The following ITPRID1 variants were observed in gnomAD, a reference collection of about 807,000 sequenced individuals.
The protein encoded by ITPRID1 is protein ITPRID1.
In ITPRID1, 96 loss-of-function variants were observed where a neutral mutation model predicts 95.4. The ratio of observed to expected loss-of-function variants is 1.01; its 90% CI spans 0.85 to 1.19. The LOEUF (loss-of-function observed/expected upper bound fraction) is 1.19. Ranked by LOEUF, ITPRID1 falls within the 50% of genes most tolerant of loss-of-function variation. ITPRID1 has a pLI of 0.00. For missense variants in ITPRID1, 1,339 were observed against 1,252.9 expected, an observed-to-expected ratio of 1.07 and a Z score of -1.04; for synonymous variants, 510 against 453.6, an observed-to-expected ratio of 1.12 and a Z score of -1.58.
chr7:31,634,409 A>G (rs1789290774), intron 10 of ITPRID1, among the ~76,000 whole-genome samples: 1 of 152,226 alleles, frequency 6.6e-6, no homozygotes, highest in Non-Finnish European at 1.5e-5. Context: ...GAAATATATT[A>G]CTGGATATTA....
intron 1 of ITPRID1, among the ~76,000 whole-genome samples, chr7:31,519,598 CTCTCTCTCTCTCTCTCTCTCTCTATATA>C (rs1783154951): frequency 1.8e-5 from 1 of 56,872 alleles, no homozygotes; most frequent in Non-Finnish European, 3.4e-5. Flanking sequence ...CTCTCTCTCT[CTCTCTCTCTCTCTCTCTCTCTCTATATA>C]TATATATATA....
At chr7:31,628,714 C>T (rs557176176) in intron 10 of ITPRID1, among the ~76,000 whole-genome samples, 7 of 152,198 alleles carry the variant, frequency 4.6e-5, no homozygotes, top group African/African-American at 9.6e-5. Context: ...CCTCGGCCTC[C>T]GAAAGTGCTG....
intron 1 of ITPRID1, among the ~76,000 whole-genome samples, chr7:31,541,992 T>A (rs543470365): frequency 6.6e-6 from 1 of 152,198 alleles, no homozygotes; most frequent in Non-Finnish European, 1.5e-5. Flanking sequence ...AAAACTTGCT[T>A]AAACCTTCAT....
chr7:31,636,894 CCCGACAA>C (rs1290926718), intron 10 of ITPRID1, among the ~76,000 whole-genome samples: 1 of 119,372 alleles, frequency 8.4e-6, no homozygotes, highest in African/African-American at 3.2e-5. Context: ...CCTCCCCCCA[CCCGACAA>C]CAGTCCCTGG....
chr7:31,578,981 G>T (rs1313463549), intron 9 of ITPRID1, among the ~76,000 whole-genome samples: 1 of 152,178 alleles, frequency 6.6e-6, no homozygotes, highest in East Asian at 1.9e-4. Flanking sequence ...CTCAGACAAA[G>T]CTGTAGGGAC....
rs1791085035 is a variant in ITPRID1, at chr7:31,652,832, C to G, written c.*3C>G. 3 of 1,609,934 alleles carry G rather than the reference C, an allele frequency of 1.9e-6. No homozygotes were observed. Among genetic ancestry groups the G allele is most frequent in the Non-Finnish European group, 2.5e-6 (3 of 1,176,604 alleles). ...AGGATGCAGATGTCTTCCTCTAGAT[C>G]AGAGCAGGTTTGTTAACCTTCATAC... On this transcript the variant is annotated 3_prime_UTR_variant, in exon 15 of 15. Transcript: ENST00000615280.
Position 31,519,620 on chromosome 7 carries a change from C to CTCTCTATA in ITPRID1, c.-98+5501_-98+5502insCTCTATAT. On this transcript the variant is annotated intron_variant, in intron 1 of 14. Coordinates refer to ENST00000615280, the MANE Select transcript of ITPRID1 (RefSeq NM_001257967.3). ...TCTCTCTCTCTCTCTCTCTCTCTCT[C>CTCTCTATA]TATATATATATATATATATATATAT... Among the ~76,000 whole-genome samples, 20 of 25,260 alleles carry CTCTCTATA rather than the reference C, an allele frequency of 7.9e-4. 1 individual carries two copies. The highest frequency in any genetic ancestry group is 3.0e-3 in the East Asian group (1 of 332). The allele number at this position is 25,260 out of a possible 152,430, so 16.6% of individuals were successfully genotyped here. A position where few individuals can be genotyped will look rare whatever the true frequency, so the allele number is the denominator to read the frequency against.
intron 10 of ITPRID1, among the ~76,000 whole-genome samples, chr7:31,630,108 G>T (rs1051831949): frequency 6.6e-6 from 1 of 152,038 alleles, no homozygotes; most frequent in Middle Eastern, 3.4e-3. Flanking sequence ...ATAGGTACTT[G>T]TTTAATTCTT....
chr7:31,566,991 A>G (rs183460795), intron 5 of ITPRID1, among the ~76,000 whole-genome samples: 85 of 152,314 alleles, frequency 5.6e-4, no homozygotes, highest in African/African-American at 1.9e-3. Context: ...TATTTAAATT[A>G]TTAGAATTTT....
At chr7:31,617,719 G>GTACTT (rs767653786) in intron 10 of ITPRID1, among the ~76,000 whole-genome samples, 7 of 151,998 alleles carry the variant, frequency 4.6e-5, no homozygotes, top group African/African-American at 9.7e-5. Flanking sequence ...GACCCCCACA[G>GTACTT]TACTTTAAGG....
At chr7:31,616,399 A>C (rs1787233509) in intron 10 of ITPRID1, among the ~76,000 whole-genome samples, 1 of 137,034 alleles carries the variant, frequency 7.3e-6, no homozygotes, top group Admixed American at 7.8e-5. Context: ...TTTGTTCTGA[A>C]TCATCCCTAC....
At chr7:31,628,340 C>T (rs1788666743) in intron 10 of ITPRID1, among the ~76,000 whole-genome samples, 1 of 152,106 alleles carries the variant, frequency 6.6e-6, no homozygotes, top group African/African-American at 2.4e-5. Context: ...TAGAGAATAG[C>T]CAACAAACGA....
chr7:31,611,923 A>G (rs1357549557), intron 10 of ITPRID1, among the ~76,000 whole-genome samples: 1 of 151,900 alleles, frequency 6.6e-6, no homozygotes, highest in Non-Finnish European at 1.5e-5. Flanking sequence ...GCCATTATTT[A>G]TTGAAATATT....
At chr7:31,635,662 G>A (rs181093524) in intron 10 of ITPRID1, among the ~76,000 whole-genome samples, 13 of 152,182 alleles carry the variant, frequency 8.5e-5, no homozygotes, top group Admixed American at 2.0e-4. Flanking sequence ...GTATTAGGCC[G>A]TTCTCATGCT....
chr7:31,575,180 G>T (rs756341181), intron 8 of ITPRID1, among the ~76,000 whole-genome samples: 2 of 152,142 alleles, frequency 1.3e-5, no homozygotes, highest in Non-Finnish European at 2.9e-5. Context: ...AGGAAAGCTG[G>T]CAGTAATGGT....
intron 10 of ITPRID1, among the ~76,000 whole-genome samples, chr7:31,625,516 G>A (rs573480525): frequency 1.3e-4 from 20 of 152,180 alleles, no homozygotes; most frequent in Non-Finnish European, 2.5e-4. Context: ...ATAAACTATT[G>A]CAAGAACAAA....
chr7:31,606,474 G>A (rs201219306), intron 10 of ITPRID1, among the ~76,000 whole-genome samples: 48 of 143,244 alleles, frequency 3.4e-4, no homozygotes, highest in Non-Finnish European at 5.4e-4. Flanking sequence ...AGAGAGAGAG[G>A]AAAAAAAAGG....
At chr7:31,558,654 T>C (rs950071454) in intron 5 of ITPRID1, among the ~76,000 whole-genome samples, 2 of 152,190 alleles carry the variant, frequency 1.3e-5, no homozygotes, top group African/African-American at 4.8e-5. Flanking sequence ...AAAGAGTAGA[T>C]CTTGAGTATA....
chr7:31,592,498 C>A (rs1419236168), intron 10 of ITPRID1, among the ~76,000 whole-genome samples: 1 of 152,202 alleles, frequency 6.6e-6, no homozygotes, highest in Non-Finnish European at 1.5e-5. Flanking sequence ...CCTTCCCCAA[C>A]CTTTTTGGCA....
Sources: gnomAD v4.1 joint callset for allele counts (sites outside exome capture counted in the v4.1 genomes callset) on GRCh38, gnomAD v4.1.1 for gene constraint, MANE v1.5 for transcripts, NCBI Gene and HGNC (gene_info 2026-07-23, HGNC 2026-07-21) for gene names.